KLK7: variants seen among roughly 807,000 people sequenced by gnomAD.
KLK7 encodes the protein kallikrein-7.
A neutral mutation model predicts 21.0 loss-of-function variants in KLK7; 17 were observed. The ratio of observed to expected loss-of-function variants is 0.81; its 90% CI spans 0.55 to 1.21. KLK7 has a LOEUF of 1.21. KLK7 is among the 50% of genes most tolerant of loss of function. The pLI, the probability that KLK7 is intolerant of heterozygous loss-of-function variation, is 0.00. For synonymous variants in KLK7, 151 were observed against 134.6 expected (o/e 1.12, Z -0.85); for missense variants, 330 against 322.8 (o/e 1.02, Z -0.17).
Position 50,980,336 on chromosome 19 carries a change from A to G in KLK7, c.373T>C (p.Ser125Pro). ...AGCCTGACTTTCTTCACCATGGATG[A>G]CAGCCTGGCCTGGCTATTGAGCTTC... Reference protein sequence around the residue: ...LVKLNSQARLSSMVKKVRLPS... With the variant: ...LVKLNSQARLPSMVKKVRLPS... The change falls in exon 4 of 6, where the codon TCA becomes CCA. Residue 125 changes from serine to proline, a missense_variant. By Grantham distance (74) the Ser-to-Pro change is moderately conservative (BLOSUM62 -1). Transcript: ENST00000595820. 5.0e-6 allele frequency: 8 copies of G among 1,614,050 alleles called. No individual in the cohort carries two copies. The highest frequency in any genetic ancestry group is 6.8e-6 in the Non-Finnish European group (8 of 1,179,968).
Position 50,980,067 on chromosome 19 carries a change from G to C in KLK7, c.470-143C>G, listed in dbSNP as rs898093064. ...TCTGAGGGAGGAGGGGCTGGGGTCT[G>C]GACTCCCGGGTCTGAGGGAGGAGGG... is the stretch of plus-strand genomic sequence containing the variant. On this transcript the variant is annotated intron_variant, in intron 4 of 5. Coordinates refer to ENST00000595820, the MANE Select transcript of KLK7 (RefSeq NM_005046.4). 32 of 1,224,128 alleles carry C rather than the reference G, an allele frequency of 2.6e-5. No individual in the cohort carries two copies. In the Admixed American group the frequency reaches 7.9e-4, roughly 30 times the overall value. The allele number at this position is 1,224,128 out of a possible 1,614,324, so 75.8% of individuals were successfully genotyped here.
At chr19:50,982,182 C>G (rs1245618918) in intron 2 of KLK7, 145 bp downstream of exon 2, 3 of 1,105,112 alleles carry the variant, frequency 2.7e-6, no homozygotes, top group Non-Finnish European at 3.9e-6. Context: ...TCAGCAGAAG[C>G]AGGAAGAGCG....
At chr19:50,979,951 C>T in intron 4 of KLK7, 27 bp from the exon 5 acceptor site, 1 of 1,584,240 alleles carries the variant, frequency 6.3e-7, no homozygotes, top group Non-Finnish European at 8.6e-7. Flanking sequence ...GGAGAGCTGT[C>T]AGTCAGAGAG....
At chr19:50,978,618 AG>A (rs148672932) in intron 5 of KLK7, among the ~76,000 whole-genome samples, 4 of 59,510 alleles carry the variant, frequency 6.7e-5, no homozygotes, top group Non-Finnish European at 1.2e-4. Flanking sequence ...ACAAAGAGAA[AG>A]GGGGGGAAGG....
At chr19:50,983,537 C>T (rs1213697544) in intron 1 of KLK7, among the ~76,000 whole-genome samples, 1 of 135,224 alleles carries the variant, frequency 7.4e-6, no homozygotes, top group African/African-American at 2.8e-5. Context: ...GAGTCCAGGC[C>T]CCCAGGCCCT....
intron 5 of KLK7, among the ~76,000 whole-genome samples, chr19:50,978,924 GGAGAGA>G (rs922340489): frequency 6.7e-6 from 1 of 149,478 alleles, no homozygotes; most frequent in Non-Finnish European, 1.5e-5. Flanking sequence ...AGGGAGGGGA[GGAGAGA>G]GAGAGAAGCA....
At chr19:50,982,252 T>A in intron 2 of KLK7, 75 bp downstream of exon 2, 1 of 1,550,766 alleles carries the variant, frequency 6.4e-7, no homozygotes, top group Non-Finnish European at 8.8e-7. Context: ...AGGGAAGGGT[T>A]CTGACTCAGG....
rs768735021 is a variant in KLK7 at position 50,977,466 on chromosome 19, T to C, written c.*70A>G. On this transcript the variant is annotated 3_prime_UTR_variant, in exon 6 of 6. Coordinates refer to ENST00000595820, the MANE Select transcript of KLK7 (RefSeq NM_005046.4). The stretch of plus-strand genomic sequence containing the variant: ...AAAGGTAAAGTCAAATTTGACTTCA[T>C]AGGTCATCGGCGTCCTCACTCCTGT... 25 of 1,467,270 alleles carry C rather than the reference T, an allele frequency of 1.7e-5. No homozygotes were observed. The Admixed American group carries it at 2.1e-4, about 12-fold the overall frequency. 90.9% of individuals were successfully genotyped at this position (1,467,270 alleles called of 1,614,324 possible).
chr19:50,982,296 G>A (rs773124435), intron 2 of KLK7, 31 bp downstream of exon 2: 3 of 1,600,918 alleles, frequency 1.9e-6, no homozygotes, highest in Non-Finnish European at 2.6e-6. Context: ...GGGCCCTGAG[G>A]TGAGGTCAGA....
At chr19:50,982,286 G>C in intron 2 of KLK7, 41 bp downstream of exon 2, 2 of 1,591,968 alleles carry the variant, frequency 1.3e-6, no homozygotes, top group Non-Finnish European at 1.7e-6. Flanking sequence ...GGGTCAGTGG[G>C]GGCCCTGAGG....
At chr19:50,978,902 G>A (rs2091056060) in intron 5 of KLK7, among the ~76,000 whole-genome samples, 1 of 112,020 alleles carries the variant, frequency 8.9e-6, no homozygotes, top group African/African-American at 5.8e-5. Context: ...CAGGGGGGCA[G>A]GGAGAGGAGA....
At chr19:50,980,534 G>C in intron 3 of KLK7, 47 bp from the exon 4 acceptor site, 2 of 1,610,340 alleles carry the variant, frequency 1.2e-6, no homozygotes, top group South Asian at 1.1e-5. Context: ...CTGTGACAGA[G>C]AGGGTGTGCA....
intron 3 of KLK7, among the ~76,000 whole-genome samples, chr19:50,981,233 G>GGGGACAGAGACCCAGAGAGAGA (rs2091081954): frequency 6.9e-6 from 1 of 145,266 alleles, no homozygotes; most frequent in South Asian, 2.3e-4. Flanking sequence ...AGAGAGAGAG[G>GGGGACAGAGACCCAGAGAGAGA]GGGACAGAGA....
Position 50,980,455 on chromosome 19 carries a change from A to G in KLK7, c.254T>C (p.Leu85Pro). ...EYTVHLGSDT[L>P]GDRRAQRIKA... is the part of the protein sequence containing the mutation. ...GATCCTCTGAGCTCTCCTGTCGCCC[A>G]GCGTATCACTGCCCAGGTGCACGGT... The change falls in exon 4 of 6, where the codon CTG becomes CCG. Residue 85 changes from leucine to proline, a missense_variant. Leu to Pro is a moderately conservative substitution (Grantham distance 98). Coordinates refer to ENST00000595820, the MANE Select transcript of KLK7 (RefSeq NM_005046.4). The G allele has an allele frequency of 6.2e-7, 1 of 1,613,966 alleles. No homozygotes were observed.
rs770461811 is a variant in KLK7, at chr19:50,980,462, C to G, written c.247G>C (p.Asp83His). 2 of 1,613,848 alleles carry G rather than the reference C, an allele frequency of 1.2e-6. No individual in the cohort carries two copies. Among genetic ancestry groups the G allele is most frequent in the South Asian group, 2.2e-5 (2 of 91,072 alleles). ...MNEYTVHLGS[D>H]TLGDRRAQRI... ...TGAGCTCTCCTGTCGCCCAGCGTAT[C>G]ACTGCCCAGGTGCACGGTGTACTCA... Residue 83 changes from aspartate to histidine, a missense_variant, in exon 4 of 6, where the codon GAT becomes CAT. Coordinates refer to ENST00000595820, the MANE Select transcript of KLK7 (RefSeq NM_005046.4).
intron 1 of KLK7, among the ~76,000 whole-genome samples, chr19:50,982,773 C>G (rs2091100151): frequency 7.7e-6 from 1 of 130,668 alleles, no homozygotes; most frequent in African/African-American, 2.9e-5. Flanking sequence ...GGAGTCCAGG[C>G]CCCCAGCCCC....
chr19:50,981,918 G>C lies in KLK7; in HGVS notation c.74-4C>G. 2 of 1,612,632 alleles carry C rather than the reference G, an allele frequency of 1.2e-6. No individual in the cohort carries two copies. Among genetic ancestry groups the C allele is most frequent in the Non-Finnish European group, 1.7e-6 (2 of 1,179,554 alleles). On this transcript the variant is annotated splice_region_variant and splice_polypyrimidine_tract_variant and intron_variant, in intron 2 of 5. Transcript: ENST00000595820. ...TCAATAATCTTGTCACCCTGGGCTG[G>C]ATGGAGACATGGAGGAGCACGTGGG...
chr19:50,983,798 G>A, intron 1 of KLK7, 53 bp downstream of exon 1: 1 of 1,287,300 alleles, frequency 7.8e-7, no homozygotes, highest in Non-Finnish European at 1.0e-6. Flanking sequence ...CAGGCTTGGA[G>A]CCAGCATCAC....
chr19:50,979,456 A>G (rs568357834), intron 5 of KLK7, among the ~76,000 whole-genome samples: 2 of 152,322 alleles, frequency 1.3e-5, no homozygotes, highest in Admixed American at 1.3e-4. Flanking sequence ...TTATTTTTAA[A>G]TATTGCATTA....
Sources: allele counts gnomAD v4.1 joint callset (sites outside exome capture counted in the v4.1 genomes callset), GRCh38; gene constraint gnomAD v4.1.1; transcripts MANE v1.5; gene names NCBI Gene and HGNC (gene_info 2026-07-23, HGNC 2026-07-21).